MCTP1: variants seen among roughly 807,000 people sequenced by gnomAD.
MCTP1 encodes the protein multiple C2 and transmembrane domain-containing protein 1.
MCTP1 carries 69 observed loss-of-function variants against 120.6 expected under a neutral mutation model. That is an observed-to-expected ratio of 0.57 (90% CI 0.47 to 0.70). The LOEUF is 0.70. Ranked by LOEUF, MCTP1 falls within the 30% of genes least tolerant of loss-of-function variation. The probability of loss-of-function intolerance (pLI) is 0.00; values close to 1 mark genes in which losing one functional copy is unlikely to be tolerated. For missense variants in MCTP1, 1,203 were observed against 1,248.8 expected (o/e 0.96, Z 0.55); for synonymous variants, 529 against 493.1 (o/e 1.07, Z -0.96).
chr5:95,197,248 A>T (rs1750497601), intron 1 of MCTP1, among the ~76,000 whole-genome samples: 1 of 152,222 alleles, frequency 6.6e-6, no homozygotes, highest in Non-Finnish European at 1.5e-5. Context: ...GTTAAGATTT[A>T]ATACTTTGTA....
intron 17 of MCTP1, among the ~76,000 whole-genome samples, chr5:94,850,599 T>G (rs1793486521): frequency 6.6e-6 from 1 of 152,158 alleles, no homozygotes; most frequent in South Asian, 2.1e-4. Context: ...CACTGCACAC[T>G]GGGACATGGA....
At chr5:94,961,908 A>T (rs1824319850) in intron 2 of MCTP1, among the ~76,000 whole-genome samples, 1 of 152,064 alleles carries the variant, frequency 6.6e-6, no homozygotes, top group Non-Finnish European at 1.5e-5. Context: ...TTTTCTTGCT[A>T]ATTTGTTTGT....
chr5:95,216,917 A>G (rs1753104109), intron 1 of MCTP1, among the ~76,000 whole-genome samples: 2 of 152,172 alleles, frequency 1.3e-5, no homozygotes, highest in African/African-American at 2.4e-5. Flanking sequence ...TCCTGAGGCT[A>G]CCTCTGGAAG....
At chr5:94,993,162 A>G (rs2153620431) in intron 2 of MCTP1, among the ~76,000 whole-genome samples, 1 of 152,340 alleles carries the variant, frequency 6.6e-6, no homozygotes, top group East Asian at 1.9e-4. Flanking sequence ...AAAGTTAAAC[A>G]TACAATGTTT....
At chr5:95,240,048 G>A (rs940598333) in intron 1 of MCTP1, among the ~76,000 whole-genome samples, 6 of 151,662 alleles carry the variant, frequency 4.0e-5, no homozygotes, top group Non-Finnish European at 5.9e-5. Flanking sequence ...CTTTGCATTG[G>A]CATTTAAACT....
chr5:94,947,259 A>G (rs113953675), intron 3 of MCTP1, among the ~76,000 whole-genome samples: 191 of 152,038 alleles, frequency 1.3e-3, no homozygotes, highest in Non-Finnish European at 2.0e-3. Flanking sequence ...AGTATTGGGG[A>G]AATGGACAAT....
intron 19 of MCTP1, among the ~76,000 whole-genome samples, chr5:94,728,512 G>A (rs905623484): frequency 2.0e-5 from 3 of 152,158 alleles, no homozygotes; most frequent in African/African-American, 4.8e-5. Flanking sequence ...TAATCAAGCC[G>A]AGGGATGTTG....
intron 17 of MCTP1, among the ~76,000 whole-genome samples, chr5:94,813,489 A>C (rs1321861671): frequency 6.6e-6 from 1 of 152,238 alleles, no homozygotes; most frequent in Non-Finnish European, 1.5e-5. Context: ...ACATATGCCT[A>C]CATAAAGATA....
In MCTP1 at chr5:95,156,384, A is replaced by C. The variant is rs534803186; in HGVS notation, c.720+127472T>G. 2.4e-4 allele frequency among the ~76,000 whole-genome samples: 37 copies of C among 152,336 alleles called. No homozygotes were observed. In the East Asian group the frequency reaches 7.1e-3, roughly 29 times the overall value. ...ATCTGAACTGCAAAGTGAATTAAAGATATTCTGAATCCAATACCCAAACCA... is the reference window on the plus strand; with the variant it reads ...ATCTGAACTGCAAAGTGAATTAAAGCTATTCTGAATCCAATACCCAAACCA... On this transcript the variant is annotated intron_variant, in intron 1 of 22. Transcript: ENST00000515393.
At position 94,704,027 on chromosome 5, in the gene MCTP1, A is replaced by G. The variant is rs535934205; in HGVS notation, c.*3469T>C. The G allele has an allele frequency of 4.9e-4, 74 of 151,142 alleles. No homozygotes were observed. Among genetic ancestry groups the G allele is most frequent in the African/African-American group, 1.7e-3 (72 of 41,378 alleles). The allele number at this position is 151,142 out of a possible 1,614,324, so 9.4% of individuals were successfully genotyped here. ...AAAAATGTTTTGTTTTCTTTCAGTG[A>G]GTTACACCAATCATCCCAGGAAAAA... On this transcript the variant is annotated 3_prime_UTR_variant, in exon 23 of 23. Coordinates refer to ENST00000515393, the MANE Select transcript of MCTP1 (RefSeq NM_024717.7).
intron 19 of MCTP1, among the ~76,000 whole-genome samples, chr5:94,734,933 C>T (rs1376746762): frequency 6.6e-6 from 1 of 152,006 alleles, no homozygotes; most frequent in East Asian, 1.9e-4. Context: ...TTTATTTAAT[C>T]CGTTTTCCCT....
intron 1 of MCTP1, among the ~76,000 whole-genome samples, chr5:95,145,279 C>T (rs1482576354): frequency 6.6e-6 from 1 of 152,080 alleles, no homozygotes; most frequent in East Asian, 1.9e-4. Context: ...CATTTATCAG[C>T]TCCAGGAACA....
chr5:95,055,192 GT>G (rs1747056441), intron 1 of MCTP1, among the ~76,000 whole-genome samples: 1 of 152,124 alleles, frequency 6.6e-6, no homozygotes, highest in African/African-American at 2.4e-5. Context: ...GGAAAATTAA[GT>G]TTTCCAATGG....
intron 2 of MCTP1, among the ~76,000 whole-genome samples, chr5:94,965,751 T>C (rs1825436315): frequency 6.6e-6 from 1 of 152,218 alleles, no homozygotes; most frequent in Non-Finnish European, 1.5e-5. Context: ...TGTAACAGTA[T>C]TAAGAGGCAG....
chr5:94,774,593 T>C (rs1486151611), intron 19 of MCTP1, among the ~76,000 whole-genome samples: 1 of 152,182 alleles, frequency 6.6e-6, no homozygotes, highest in African/African-American at 2.4e-5. Flanking sequence ...TCAGCCTGAC[T>C]GCTACCTTGA....
chr5:94,740,414 T>C (rs1765245693), intron 19 of MCTP1, among the ~76,000 whole-genome samples: 1 of 152,224 alleles, frequency 6.6e-6, no homozygotes, highest in Non-Finnish European at 1.5e-5. Flanking sequence ...AAATTTTTTT[T>C]AGTGCATGCA....
intron 17 of MCTP1, among the ~76,000 whole-genome samples, chr5:94,815,689 T>C (rs1561682529): frequency 6.6e-6 from 1 of 152,194 alleles, no homozygotes; most frequent in Admixed American, 6.5e-5. Flanking sequence ...ACTAGTGTAA[T>C]AAAGAGGCAG....
intron 12 of MCTP1, chr5:94,877,856 CA>C: frequency 6.6e-6 from 1 of 152,264 alleles, no homozygotes; most frequent in South Asian, 2.1e-4. Context: ...CCTGATCCAT[CA>C]GTGGTGGGCT....
intron 1 of MCTP1, among the ~76,000 whole-genome samples, chr5:95,245,224 C>T (rs1756623367): frequency 6.6e-6 from 1 of 152,130 alleles, no homozygotes; most frequent in Non-Finnish European, 1.5e-5. Context: ...GGAGAGAAAC[C>T]AGACCAGAAA....
Sources: gnomAD v4.1 joint callset for allele counts (sites outside exome capture counted in the v4.1 genomes callset) on GRCh38, gnomAD v4.1.1 for gene constraint, MANE v1.5 for transcripts, NCBI Gene and HGNC (gene_info 2026-07-23, HGNC 2026-07-21) for gene names.